LIPI: variants seen among roughly 807,000 people sequenced by gnomAD.
LIPI encodes the protein lipase member I.
LIPI carries 59 observed loss-of-function variants against 50.6 expected under a neutral mutation model. The ratio of observed to expected loss-of-function variants is 1.16; its 90% CI spans 0.94 to 1.45. LIPI has a LOEUF of 1.45. LIPI is among the 40% of genes most tolerant of loss of function. The pLI, the probability that LIPI is intolerant of heterozygous loss-of-function variation, is 0.00. For missense variants in LIPI, 586 were observed against 536.3 expected (o/e 1.09, Z -0.92); for synonymous variants, 203 against 178.2 (o/e 1.14, Z -1.11).
At chr21:14,120,662 C>A (rs1050809513) in intron 9 of LIPI, among the ~76,000 whole-genome samples, 11 of 152,136 alleles carry the variant, frequency 7.2e-5, no homozygotes, top group African/African-American at 2.4e-4. Flanking sequence ...TAGAGCCTCC[C>A]CTTGCAGAGA....
intron 1 of LIPI, among the ~76,000 whole-genome samples, chr21:14,205,624 T>C (rs867765639): frequency 2.0e-5 from 3 of 151,996 alleles, no homozygotes; most frequent in Non-Finnish European, 4.4e-5. Flanking sequence ...CTGATTAAAT[T>C]GTGTTCTCAG....
At chr21:14,125,873 C>G (rs747047423) in intron 9 of LIPI, among the ~76,000 whole-genome samples, 3 of 151,946 alleles carry the variant, frequency 2.0e-5, no homozygotes, top group Non-Finnish European at 2.9e-5. Flanking sequence ...AGTTTTAAAC[C>G]CAACTATATC....
intron 4 of LIPI, among the ~76,000 whole-genome samples, chr21:14,175,081 C>T (rs2019048594): frequency 6.6e-6 from 1 of 152,148 alleles, no homozygotes; most frequent in African/African-American, 2.4e-5. Flanking sequence ...TTTTTCCATT[C>T]TCCTATTGTG....
chr21:14,130,902 C>T (rs2017267482), intron 9 of LIPI, among the ~76,000 whole-genome samples: 1 of 152,160 alleles, frequency 6.6e-6, no homozygotes, highest in African/African-American at 2.4e-5. Context: ...ATCTGAGAGC[C>T]TTCCCACACA....
At chr21:14,196,930 TC>T (rs1026613407) in intron 1 of LIPI, among the ~76,000 whole-genome samples, 1 of 151,926 alleles carries the variant, frequency 6.6e-6, no homozygotes, top group African/African-American at 2.4e-5. Flanking sequence ...ATAGTAAAGG[TC>T]CAATACTTTT....
At chr21:14,167,461 C>A (rs1223567423) in intron 4 of LIPI, among the ~76,000 whole-genome samples, 1 of 152,162 alleles carries the variant, frequency 6.6e-6, no homozygotes, top group Non-Finnish European at 1.5e-5. Flanking sequence ...TGGGAGGCAC[C>A]CCCCAGTAGG....
At chr21:14,129,145 T>G (rs1414376648) in intron 9 of LIPI, among the ~76,000 whole-genome samples, 1 of 152,064 alleles carries the variant, frequency 6.6e-6, no homozygotes, top group Non-Finnish European at 1.5e-5. Flanking sequence ...CATTGAGCTG[T>G]GTATTTATAG....
At chr21:14,130,271 C>T (rs541206302) in intron 9 of LIPI, among the ~76,000 whole-genome samples, 13 of 152,114 alleles carry the variant, frequency 8.5e-5, no homozygotes, top group East Asian at 3.9e-4. Context: ...ACCCTGGATG[C>T]GGAAGTTGCA....
At chr21:14,163,736 T>G (rs1453173818) in intron 6 of LIPI, among the ~76,000 whole-genome samples, 1 of 152,014 alleles carries the variant, frequency 6.6e-6, no homozygotes, top group East Asian at 1.9e-4. Flanking sequence ...CAAATAAATC[T>G]GCTCCCTGAA....
chr21:14,120,704 G>A (rs1259118329), intron 9 of LIPI, among the ~76,000 whole-genome samples: 1 of 152,214 alleles, frequency 6.6e-6, no homozygotes, highest in Non-Finnish European at 1.5e-5. Context: ...AGAAGGTGTG[G>A]TTCACACAGG....
chr21:14,144,844 CA>C (rs1568847894), intron 8 of LIPI, 45 bp from the exon 9 acceptor site: 1 of 1,334,438 alleles, frequency 7.5e-7, no homozygotes, highest in Admixed American at 1.7e-5. Context: ...TAATTTGAAA[CA>C]TAACTCAATT....
At chr21:14,176,366 T>A (rs2019097434) in intron 4 of LIPI, among the ~76,000 whole-genome samples, 1 of 152,022 alleles carries the variant, frequency 6.6e-6, no homozygotes, top group South Asian at 2.1e-4. Flanking sequence ...ATCGTTTAAT[T>A]CTTAATTTTT....
At chr21:14,200,031 G>A (rs1298994470) in intron 1 of LIPI, among the ~76,000 whole-genome samples, 1 of 151,954 alleles carries the variant, frequency 6.6e-6, no homozygotes, top group Non-Finnish European at 1.5e-5. Flanking sequence ...ATGCAGAAAA[G>A]GCCTTCAGTA....
At chr21:14,173,749 C>T (rs747003866) in intron 4 of LIPI, among the ~76,000 whole-genome samples, 7 of 151,786 alleles carry the variant, frequency 4.6e-5, no homozygotes, top group Non-Finnish European at 7.4e-5. Context: ...CATGAGAACA[C>T]TGGGCATGTA....
At chr21:14,164,030 T>C (rs1267856173) in intron 6 of LIPI, among the ~76,000 whole-genome samples, 1 of 150,374 alleles carries the variant, frequency 6.7e-6, no homozygotes, top group African/African-American at 2.4e-5. Flanking sequence ...GTGCATATAA[T>C]ATACATATTT....
intron 1 of LIPI, among the ~76,000 whole-genome samples, chr21:14,205,044 A>G (rs1438178322): frequency 1.3e-5 from 2 of 151,856 alleles, no homozygotes; most frequent in East Asian, 1.9e-4. Flanking sequence ...GAGAAAAAAG[A>G]AAAAGAATAC....
intron 1 of LIPI, among the ~76,000 whole-genome samples, chr21:14,190,721 A>C (rs926355433): frequency 1.3e-5 from 2 of 152,254 alleles, no homozygotes; most frequent in African/African-American, 4.8e-5. Context: ...TAAATATCAG[A>C]GAATGAGGAA....
intron 3 of LIPI, among the ~76,000 whole-genome samples, chr21:14,184,652 T>C (rs2019392202): frequency 6.6e-6 from 1 of 152,184 alleles, no homozygotes. Flanking sequence ...AACCTCCATG[T>C]TTGGTGGCCT....
chr21:14,187,837 ATGT>A (rs752205985), intron 2 of LIPI, among the ~76,000 whole-genome samples: 1 of 152,200 alleles, frequency 6.6e-6, no homozygotes, highest in Admixed American at 6.5e-5. Context: ...TTTTTGTAAC[ATGT>A]TGTTATTCTA....
Sources: gnomAD v4.1 joint callset for allele counts (sites outside exome capture counted in the v4.1 genomes callset) on GRCh38, gnomAD v4.1.1 for gene constraint, MANE v1.5 for transcripts, NCBI Gene and HGNC (gene_info 2026-07-23, HGNC 2026-07-21) for gene names.